The following GALNT2 variants were observed in gnomAD, a reference collection of about 807,000 sequenced individuals.
GALNT2 encodes the protein UDP-GalNAc:polypeptide N-acetylgalactosaminyltransferase 2.
Under a neutral mutation model 81.4 loss-of-function variants are expected in GALNT2, and 31 were observed. That is an observed-to-expected ratio of 0.38 (90% CI 0.29 to 0.51). The LOEUF (loss-of-function observed/expected upper bound fraction) is 0.51, where lower values mean the gene tolerates loss of function less well. Among genes scored for constraint, GALNT2 ranks in the 20% least tolerant of loss-of-function variants. The probability of loss-of-function intolerance (pLI) is 0.87; values close to 1 mark genes in which losing one functional copy is unlikely to be tolerated. For synonymous variants in GALNT2, 303 were observed against 287.4 expected (o/e 1.05, Z -0.55); for missense variants, 629 against 765.7 (o/e 0.82, Z 2.11).
chr1:230,111,915 C>CT (rs5781566), intron 1 of GALNT2, among the ~76,000 whole-genome samples: 25 of 148,216 alleles, frequency 1.7e-4, no homozygotes, highest in Admixed American at 8.0e-4. Context: ...TTTTGTTATT[C>CT]TTTTTTTTTT....
At chr1:230,105,797 C>T (rs75663575) in intron 1 of GALNT2, among the ~76,000 whole-genome samples, 2,948 of 152,178 alleles carry the variant, frequency 0.019, 96 homozygotes, top group African/African-American at 0.068. Context: ...CAAACTGGGG[C>T]ACAGGCACCC....
At chr1:230,174,756 C>T (rs904668162) in intron 1 of GALNT2, among the ~76,000 whole-genome samples, 2 of 152,142 alleles carry the variant, frequency 1.3e-5, no homozygotes, top group Non-Finnish European at 2.9e-5. Flanking sequence ...CTAGTCTGCC[C>T]CCACCTTATA....
chr1:230,178,495 CTT>C (rs1221425369), intron 2 of GALNT2, among the ~76,000 whole-genome samples, 184 bp downstream of exon 2: 17 of 152,176 alleles, frequency 1.1e-4, no homozygotes, highest in African/African-American at 3.6e-4. Context: ...CAAGTTAAAA[CTT>C]TTATAGGAGG....
chr1:230,105,697 TG>T lies in GALNT2; in HGVS notation c.126+38295del, dbSNP rs543920819. On this transcript the variant is annotated intron_variant, in intron 1 of 15. Transcript: ENST00000366672. ...GGCGTCTGTCGGTGCTGTCTCACTGTGGGGCTTCAGAGAACGTGAGCACCTG... is the reference window on the plus strand; with the variant it reads ...GGCGTCTGTCGGTGCTGTCTCACTGTGGGCTTCAGAGAACGTGAGCACCTG... Among the ~76,000 whole-genome samples the T allele has an allele frequency of 3.8e-3, 574 of 152,314 alleles. 2 individuals carry two copies. The highest frequency in any genetic ancestry group is 6.5e-3 in the Non-Finnish European group (444 of 68,032).
chr1:230,270,838 T>C (rs548668551), intron 14 of GALNT2, among the ~76,000 whole-genome samples: 1 of 152,352 alleles, frequency 6.6e-6, no homozygotes, highest in South Asian at 2.1e-4. Context: ...TTCTTAAATA[T>C]TTATGAACTT....
intron 1 of GALNT2, among the ~76,000 whole-genome samples, chr1:230,078,674 T>C (rs902904212): frequency 2.6e-5 from 4 of 152,238 alleles, no homozygotes; most frequent in African/African-American, 9.6e-5. Flanking sequence ...AAATTGCTAA[T>C]CCTGGTGCAG....
chr1:230,109,090 T>C (rs1660624095), intron 1 of GALNT2, among the ~76,000 whole-genome samples: 1 of 152,216 alleles, frequency 6.6e-6, no homozygotes, highest in Non-Finnish European at 1.5e-5. Context: ...CATTAAACAC[T>C]TTGCTGGCAG....
chr1:230,062,644 C>T (rs1659075996), upstream of GALNT2, among the ~76,000 whole-genome samples: 1 of 152,208 alleles, frequency 6.6e-6, no homozygotes, highest in African/African-American at 2.4e-5. Context: ...TTTCATCTAG[C>T]ATATTGTCCT....
rs1023949879 is a variant in GALNT2, at chr1:230,067,470, C to T, written c.126+64C>T. The T allele has an allele frequency of 2.2e-5, 13 of 590,294 alleles. No homozygotes were observed. In the African/African-American group the frequency reaches 2.4e-4, roughly 11 times the overall value. 36.6% of individuals were successfully genotyped at this position (590,294 alleles called of 1,614,324 possible). A position where few individuals can be genotyped will look rare whatever the true frequency, so the allele number is the denominator to read the frequency against. The stretch of plus-strand genomic sequence containing the variant: ...CACCCCCCACCCTGCGCCCCTGTCC[C>T]CTGCCCTCTCCGCGCCGCCCCTGCG... On this transcript the variant is annotated intron_variant, in intron 1 of 15. Transcript: ENST00000366672.
intron 1 of GALNT2, among the ~76,000 whole-genome samples, chr1:230,152,469 C>T (rs189693138): frequency 1.3e-5 from 2 of 152,256 alleles, no homozygotes; most frequent in East Asian, 3.9e-4. Flanking sequence ...ATAGAAAATA[C>T]TGGAGCACAT....
chr1:230,063,918 G>A (rs1659106394), upstream of GALNT2, among the ~76,000 whole-genome samples: 1 of 152,120 alleles, frequency 6.6e-6, no homozygotes, highest in African/African-American at 2.4e-5. Context: ...TATCTGATGT[G>A]GGTTGGTCTC....
chr1:230,209,613 G>A (rs1664171862), intron 3 of GALNT2, among the ~76,000 whole-genome samples: 2 of 152,150 alleles, frequency 1.3e-5, no homozygotes, highest in South Asian at 4.1e-4. Flanking sequence ...AGGCCAAGGC[G>A]GGTGAATCGC....
intron 1 of GALNT2, among the ~76,000 whole-genome samples, chr1:230,142,648 G>A (rs537957453): frequency 1.3e-5 from 2 of 152,234 alleles, no homozygotes; most frequent in Admixed American, 6.5e-5. Context: ...GTAAAAATAC[G>A]CCTGTGCTTT....
chr1:230,239,556 A>G (rs969178369), intron 6 of GALNT2, among the ~76,000 whole-genome samples: 1 of 152,232 alleles, frequency 6.6e-6, no homozygotes, highest in African/African-American at 2.4e-5. Flanking sequence ...AGACCAAGCC[A>G]GTCCAGTCTC....
At chr1:230,091,419 G>A (rs112827553) in intron 1 of GALNT2, among the ~76,000 whole-genome samples, 1,782 of 152,000 alleles carry the variant, frequency 0.012, 20 homozygotes, top group Non-Finnish European at 0.017. Context: ...ATTTTCTATC[G>A]GCCACCTTTT....
chr1:230,234,648 G>A (rs1664969391), intron 3 of GALNT2, among the ~76,000 whole-genome samples: 1 of 152,178 alleles, frequency 6.6e-6, no homozygotes, highest in African/African-American at 2.4e-5. Flanking sequence ...GCTGGTATCA[G>A]TAGTATTACC....
intron 3 of GALNT2, among the ~76,000 whole-genome samples, 162 bp from the exon 4 acceptor site, chr1:230,235,852 G>A (rs116680595): frequency 2.0e-5 from 3 of 151,962 alleles, no homozygotes; most frequent in Non-Finnish European, 2.9e-5. Context: ...CTTATGTCCC[G>A]TTGGCAGTTC....
chr1:230,160,002 G>A (rs761244515), intron 1 of GALNT2, among the ~76,000 whole-genome samples: 7 of 152,112 alleles, frequency 4.6e-5, no homozygotes, highest in African/African-American at 1.4e-4. Context: ...TCCAGCAGCC[G>A]CACCACCCAG....
chr1:230,226,922 TAA>T lies in GALNT2; in HGVS notation c.375-9089_375-9088del, dbSNP rs982383800. ...AGCAGAAGGAAGGAAATAAGGAAGG[TAA>T]AAGAAGAAATTAATGAACTAAAAAT... is the stretch of plus-strand genomic sequence containing the variant. On this transcript the variant is annotated intron_variant, in intron 3 of 15. Transcript: ENST00000366672. 4.0e-4 allele frequency among the ~76,000 whole-genome samples: 61 copies of T among 152,180 alleles called. 1 individual carries two copies. Among genetic ancestry groups the T allele is most frequent in the African/African-American group, 1.4e-3 (60 of 41,534 alleles).
Sources: allele counts gnomAD v4.1 joint callset (sites outside exome capture counted in the v4.1 genomes callset), GRCh38; gene constraint gnomAD v4.1.1; transcripts MANE v1.5; gene names NCBI Gene and HGNC (gene_info 2026-07-23, HGNC 2026-07-21).